FAM47E: variants seen among roughly 807,000 people sequenced by gnomAD.
FAM47E encodes the protein family with sequence similarity 47 member E, also known as protein FAM47E.
FAM47E carries 32 observed loss-of-function variants against 41.6 expected under a neutral mutation model. The observed-to-expected ratio is 0.77, with a 90% CI of 0.58 to 1.03. The LOEUF (loss-of-function observed/expected upper bound fraction) is 1.03, where lower values mean the gene tolerates loss of function less well. FAM47E is among the 50% of genes least tolerant of loss of function. The probability of loss-of-function intolerance (pLI) is 0.00; values close to 1 mark genes in which losing one functional copy is unlikely to be tolerated. For missense variants in FAM47E, 424 were observed against 485.4 expected (o/e 0.87, Z 1.19); for synonymous variants, 184 against 188.7 (o/e 0.98, Z 0.20).
At chr4:76,229,748 T>A (rs1733461593) in intron 2 of FAM47E, among the ~76,000 whole-genome samples, 1 of 152,000 alleles carries the variant, frequency 6.6e-6, no homozygotes, top group Non-Finnish European at 1.5e-5. Flanking sequence ...ATCAGGGGAG[T>A]GAAGTAGACT....
intron 2 of FAM47E, among the ~76,000 whole-genome samples, chr4:76,221,164 G>GGAA (rs1435298856): frequency 6.6e-6 from 1 of 152,178 alleles, no homozygotes; most frequent in African/African-American, 2.4e-5. Flanking sequence ...TTGTGGCAGG[G>GGAA]GAAGGGGACA....
At chr4:76,233,852 ATAGT>A (rs1733535429) in intron 2 of FAM47E, among the ~76,000 whole-genome samples, 1 of 149,070 alleles carries the variant, frequency 6.7e-6, no homozygotes, top group African/African-American at 2.4e-5. Flanking sequence ...ACAAACAGAG[ATAGT>A]TGGTTGGGGG....
intron 4 of FAM47E, chr4:76,269,198 A>T (rs1000613728): frequency 6.0e-6 from 1 of 166,568 alleles, no homozygotes; most frequent in African/African-American, 2.4e-5. Flanking sequence ...TGCCAGGTGC[A>T]GTGGCTCATG....
intron 6 of FAM47E, chr4:76,278,689 C>A (rs1199291686): frequency 2.4e-5 from 4 of 163,674 alleles, no homozygotes; most frequent in East Asian, 1.8e-4. Flanking sequence ...GTTGCAGGAT[C>A]TGTCTGAGAG....
At chr4:76,234,633 G>C (rs1733553477) in intron 2 of FAM47E, 1 of 152,174 alleles carries the variant, frequency 6.6e-6, no homozygotes, top group Non-Finnish European at 1.5e-5. Context: ...TTTTTCCGGG[G>C]ACCCCCTCCC....
At chr4:76,220,307 G>A (rs1048068874) in intron 2 of FAM47E, among the ~76,000 whole-genome samples, 3 of 152,146 alleles carry the variant, frequency 2.0e-5, no homozygotes, top group Non-Finnish European at 4.4e-5. Flanking sequence ...TAGACATACA[G>A]TGGAAAATAC....
intron 1 of FAM47E, 144 bp downstream of exon 1, chr4:76,251,964 T>A: frequency 9.1e-7 from 1 of 1,101,482 alleles, no homozygotes; most frequent in Non-Finnish European, 1.2e-6. Flanking sequence ...TACAACATAA[T>A]ACGCTGAGAT....
At chr4:76,239,955 T>C (rs1733672584) in intron 2 of FAM47E, among the ~76,000 whole-genome samples, 1 of 152,196 alleles carries the variant, frequency 6.6e-6, no homozygotes, top group South Asian at 2.1e-4. Flanking sequence ...TGTGGCAATT[T>C]TCCCAGCACC....
chr4:76,237,686 T>A (rs1238960531), intron 2 of FAM47E, among the ~76,000 whole-genome samples: 1 of 152,142 alleles, frequency 6.6e-6, no homozygotes, highest in African/African-American at 2.4e-5. Flanking sequence ...TGGCATCTGC[T>A]TAGCTTCTGG....
chr4:76,236,214 A>T (rs1009967333), intron 2 of FAM47E: 23 of 152,214 alleles, frequency 1.5e-4, no homozygotes, highest in Admixed American at 5.2e-4. Context: ...TTAAAGGAAA[A>T]TAATGAAAAC....
At chr4:76,277,151 G>T (rs995860626) in intron 5 of FAM47E, among the ~76,000 whole-genome samples, 1 of 152,184 alleles carries the variant, frequency 6.6e-6, no homozygotes, top group East Asian at 1.9e-4. Flanking sequence ...AGAAGGGAAT[G>T]AGATATGTTC....
At chr4:76,278,255 GAGCTTCAGAT>G (rs1443188817) in intron 6 of FAM47E, 31 bp downstream of exon 6, 1 of 1,481,450 alleles carries the variant, frequency 6.8e-7, no homozygotes. Context: ...TTGATCATCT[GAGCTTCAGAT>G]GATCACAGTG....
chr4:76,225,168 A>G (rs539869940), intron 2 of FAM47E, among the ~76,000 whole-genome samples: 9 of 151,946 alleles, frequency 5.9e-5, no homozygotes, highest in African/African-American at 2.2e-4. Flanking sequence ...TATATACCAC[A>G]TTTTCTTTAT....
chr4:76,240,479 C>G (rs56896076), intron 2 of FAM47E, among the ~76,000 whole-genome samples: 18,017 of 151,998 alleles, frequency 0.12, 1,398 homozygotes, highest in East Asian at 0.34. Context: ...TGAATAATCT[C>G]TTTGCCCCTT....
chr4:76,227,031 C>T (rs11531413), intron 2 of FAM47E, among the ~76,000 whole-genome samples: 22,739 of 151,444 alleles, frequency 0.15, 2,030 homozygotes, highest in East Asian at 0.35. Flanking sequence ...TCATCTAGTT[C>T]CGCCCTGACC....
Position 76,263,844 on chromosome 4 carries a change from G to C in FAM47E, c.560+1G>C, listed in dbSNP as rs116093445. ...ATTCTACCCAAGTCTACCTGGGACC[G>C]TGAGTATTGTTCTTAACCCTTCGAT... On this transcript the variant is annotated splice_donor_variant, in intron 3 of 7. Transcript: ENST00000424749. LOFTEE classifies it high-confidence loss of function. 2,075 of 1,550,994 alleles carry C rather than the reference G, an allele frequency of 1.3e-3. 18 individuals carry two copies. In the East Asian group the frequency reaches 0.026, roughly 19 times the overall value.
At chr4:76,237,126 A>G (rs1231665990) in intron 2 of FAM47E, among the ~76,000 whole-genome samples, 1 of 151,528 alleles carries the variant, frequency 6.6e-6, no homozygotes, top group African/African-American at 2.4e-5. Flanking sequence ...CGATCTCCTG[A>G]CCTCGTGATC....
rs3733252 is a variant in FAM47E, at chr4:76,271,575, C to T, written c.677C>T (p.Ser226Leu). The change falls in exon 5 of 8, where the codon TCG (serine) becomes TTG (leucine). Residue 226 changes from serine to leucine, a missense_variant. Transcript: ENST00000424749. The part of the protein sequence containing the change: ...PRPGLHENGI[S>L]DIDEEFILKQ... ...AATGTGATATTCTTCCAGGGAATTT[C>T]GGACATCGATGAAGAGTTCATCTTG... 1.8e-4 allele frequency: 275 copies of T among 1,551,998 alleles called. 2 individuals carry two copies. In the East Asian group the frequency reaches 6.4e-3, roughly 36 times the overall value.
intron 1 of FAM47E, among the ~76,000 whole-genome samples, chr4:76,255,390 G>A (rs1303647794): frequency 6.6e-6 from 1 of 152,126 alleles, no homozygotes; most frequent in Non-Finnish European, 1.5e-5. Flanking sequence ...GTAGAACAGT[G>A]TCTGTTATGT....
Sources: allele counts gnomAD v4.1 joint callset (sites outside exome capture counted in the v4.1 genomes callset), GRCh38; gene constraint gnomAD v4.1.1; transcripts MANE v1.5; gene names NCBI Gene and HGNC (gene_info 2026-07-23, HGNC 2026-07-21).